The following TEX35 variants were observed in gnomAD, a reference collection of about 807,000 sequenced individuals.
The protein encoded by TEX35 is testis expressed 35, also known as testis-expressed protein 35.
Under a neutral mutation model 31.9 loss-of-function variants are expected in TEX35, and 26 were observed. The ratio of observed to expected loss-of-function variants is 0.81; its 90% CI spans 0.60 to 1.13. The LOEUF is 1.13. Among genes scored for constraint, TEX35 ranks in the 50% most tolerant of loss-of-function variants. The probability of loss-of-function intolerance (pLI) is 0.00; values close to 1 mark genes in which losing one functional copy is unlikely to be tolerated. For synonymous variants in TEX35, 87 were observed against 90.7 expected, an observed-to-expected ratio of 0.96 and a Z score of 0.23; for missense variants, 278 against 273.5, an observed-to-expected ratio of 1.02 and a Z score of -0.12.
intron 1 of TEX35, among the ~76,000 whole-genome samples, 178 bp from the exon 2 acceptor site, chr1:178,513,849 T>G (rs10798610): frequency 0.58 from 88,219 of 152,038 alleles, 26,302 homozygotes; most frequent in African/African-American, 0.72. Context: ...CAAGATGTGA[T>G]TTGTTAGGAA....
chr1:178,522,312 T>A lies in TEX35; in HGVS notation c.587-13T>A, dbSNP rs1317285389. The A allele has an allele frequency of 6.4e-7, 1 of 1,572,606 alleles. No individual in the cohort carries two copies. Among genetic ancestry groups the A allele is most frequent in the Admixed American group, 1.8e-5 (1 of 54,640 alleles). On this transcript the variant is annotated splice_polypyrimidine_tract_variant and intron_variant, in intron 8 of 8. Transcript: ENST00000319416. ...CCCTTGAAGGTTTCCTCTCCCTCCC[T>A]CCACCCCCAAAGGGAACATTCCTTC...
downstream of TEX35, chr1:178,523,227 G>T: frequency 1.4e-6 from 1 of 690,648 alleles, no homozygotes; most frequent in Non-Finnish European, 2.6e-6. Flanking sequence ...TCCGAATCCT[G>T]GCTATTGTGA....
intron 1 of TEX35, 32 bp from the exon 2 acceptor site, chr1:178,513,995 C>A: frequency 6.2e-7 from 1 of 1,610,802 alleles, no homozygotes; most frequent in South Asian, 1.1e-5. Context: ...CTGATGTCTG[C>A]CAGCCTGAAT....
intron 1 of TEX35, 40 bp downstream of exon 1, chr1:178,513,267 G>C: frequency 1.2e-6 from 2 of 1,613,080 alleles, no homozygotes; most frequent in Non-Finnish European, 8.5e-7. Flanking sequence ...GGTCCTCTCT[G>C]AGCTCCTACT....
At chr1:178,521,137 G>T in intron 7 of TEX35, 85 bp from the exon 8 acceptor site, 1 of 1,603,456 alleles carries the variant, frequency 6.2e-7, no homozygotes, top group Non-Finnish European at 8.5e-7. Flanking sequence ...CTTCCCTTTA[G>T]CAAGGGCAGA....
At chr1:178,521,123 T>C in intron 7 of TEX35, 99 bp from the exon 8 acceptor site, 1 of 1,602,984 alleles carries the variant, frequency 6.2e-7, no homozygotes, top group Non-Finnish European at 8.5e-7. Context: ...CCTCTTATTC[T>C]GTCCTTCCCT....
At chr1:178,517,390 A>G (rs1650116212) in intron 5 of TEX35, among the ~76,000 whole-genome samples, 3 of 152,214 alleles carry the variant, frequency 2.0e-5, no homozygotes, top group Admixed American at 6.5e-5. Context: ...GGAACTGAAT[A>G]AAAATCTCCA....
At chr1:178,523,101 T>C (rs1650342066), downstream of TEX35, among the ~76,000 whole-genome samples, 1 of 152,240 alleles carries the variant, frequency 6.6e-6, no homozygotes, top group African/African-American at 2.4e-5. Flanking sequence ...TGATTTCCAG[T>C]TCCATCCACA....
chr1:178,515,597 G>A (rs1650047143), intron 3 of TEX35, among the ~76,000 whole-genome samples: 1 of 151,474 alleles, frequency 6.6e-6, no homozygotes, highest in Non-Finnish European at 1.5e-5. Context: ...ATGGGGGTGG[G>A]GGTCTCGCTA....
At chr1:178,519,992 G>A (rs991636236) in intron 5 of TEX35, among the ~76,000 whole-genome samples, 1 of 152,186 alleles carries the variant, frequency 6.6e-6, no homozygotes, top group African/African-American at 2.4e-5. Context: ...CATGCCAAGG[G>A]TCAAAACATT....
chr1:178,521,444 G>C (rs1650273884), intron 8 of TEX35, 180 bp downstream of exon 8: 2 of 1,013,292 alleles, frequency 2.0e-6, no homozygotes, highest in African/African-American at 1.6e-5. Context: ...CCAGGAAGGA[G>C]GACTTGGGTC....
At chr1:178,516,544 T>G in intron 4 of TEX35, 71 bp from the exon 5 acceptor site, 11 of 1,402,878 alleles carry the variant, frequency 7.8e-6, no homozygotes, top group Non-Finnish European at 1.1e-5. Flanking sequence ...TTAAAATGCC[T>G]GAAAGATGCC....
chr1:178,522,260 G>A, intron 8 of TEX35, 65 bp from the exon 9 acceptor site: 3 of 1,506,354 alleles, frequency 2.0e-6, no homozygotes, highest in Non-Finnish European at 2.7e-6. Flanking sequence ...TAGCTTTCTT[G>A]GGTTCTGGGG....
intron 5 of TEX35, among the ~76,000 whole-genome samples, chr1:178,519,172 A>C (rs1392736760): frequency 6.6e-6 from 1 of 152,150 alleles, no homozygotes; most frequent in Non-Finnish European, 1.5e-5. Context: ...CAGCAAGAAC[A>C]CCACAGCTGG....
Position 178,521,102 on chromosome 1 carries a change from G to A in TEX35, c.544-120G>A, listed in dbSNP as rs16852971. ...GACTTGACCCTGGATGGGCCTACCC[G>A]CCAGCTCCACCCTCTTATTCTGTCC... On this transcript the variant is annotated intron_variant, in intron 7 of 8. Transcript: ENST00000319416. 5.3e-3 allele frequency: 8,467 copies of A among 1,589,750 alleles called. 309 individuals are homozygous for A. The African/African-American group carries it at 0.089, about 17-fold the overall frequency.
intron 1 of TEX35, 47 bp downstream of exon 1, chr1:178,513,274 T>C: frequency 6.2e-7 from 1 of 1,611,450 alleles, no homozygotes; most frequent in Non-Finnish European, 8.5e-7. Context: ...TCTGAGCTCC[T>C]ACTGAATGGA....
Position 178,522,022 on chromosome 1 carries a change from T to TGGGGAGGGCCCCTGATGATA in TEX35, c.587-301_587-282dup, listed in dbSNP as rs1387468514. 24 of 690,694 alleles carry TGGGGAGGGCCCCTGATGATA rather than the reference T, an allele frequency of 3.5e-5. No individual in the cohort carries two copies. In the East Asian group the frequency reaches 6.6e-4, roughly 19 times the overall value. 42.8% of individuals were successfully genotyped at this position (690,694 alleles called of 1,614,324 possible). Reference sequence around the variant, plus strand: ...TCTGCAAACGTCCCAGGTCATAGCATGGGGAGGGCCCCTGATGATAGCGGA... The same window carrying TGGGGAGGGCCCCTGATGATA: ...TCTGCAAACGTCCCAGGTCATAGCATGGGGAGGGCCCCTGATGATAGGGGAGGGCCCCTGATGATAGCGGA... On this transcript the variant is annotated intron_variant, in intron 8 of 8. Transcript: ENST00000319416.
rs1649978718 is a variant in TEX35 at position 178,514,074 on chromosome 1, C to A, written c.87C>A (p.Thr29=). The part of the protein sequence containing the change: ...AVCLELKPEP[T]KTFDYKAVKQ... ...GCCTGGAATTGAAGCCAGAGCCGAC[C>A]AAAGTAAGAAGCCCTTTTGAGGCCA... The change falls in exon 2 of 9, where the codon ACC becomes ACA. Residue 29 remains threonine (T), a synonymous_variant. Transcript: ENST00000319416. 1.9e-6 allele frequency: 3 copies of A among 1,614,076 alleles called. No individual in the cohort carries two copies. Among genetic ancestry groups the A allele is most frequent in the South Asian group, 1.1e-5 (1 of 91,082 alleles).
Position 178,522,351 on chromosome 1 carries a change from C to T in TEX35, c.613C>T (p.Leu205Phe). The T allele has an allele frequency of 6.2e-7, 1 of 1,604,284 alleles. No homozygotes were observed. The highest frequency in any genetic ancestry group is 8.5e-7 in the Non-Finnish European group (1 of 1,174,952). The change falls in exon 9 of 9, where the codon CTT becomes TTT. Residue 205 changes from leucine (L) to phenylalanine (F), a missense_variant. Physicochemically the swap from Leu to Phe is conservative, Grantham distance 22. Coordinates refer to ENST00000319416, the MANE Select transcript of TEX35 (RefSeq NM_032126.5). Reference protein sequence around the residue: ...RGNIPSEASGLYKGGEEPVTT... With the variant: ...RGNIPSEASGFYKGGEEPVTT... The stretch of plus-strand genomic sequence containing the variant: ...GAACATTCCTTCAGAGGCCTCAGGC[C>T]TTTACAAAGGTGGAGAGGAGCCAGT...
Sources: gnomAD v4.1 joint callset for allele counts (sites outside exome capture counted in the v4.1 genomes callset) on GRCh38, gnomAD v4.1.1 for gene constraint, MANE v1.5 for transcripts, NCBI Gene and HGNC (gene_info 2026-07-23, HGNC 2026-07-21) for gene names.